SMYD3: variants seen among roughly 807,000 people sequenced by gnomAD.
SMYD3 encodes histone-lysine N-methyltransferase SMYD3.
SMYD3 carries 36 observed loss-of-function variants against 57.7 expected under a neutral mutation model. The ratio of observed to expected loss-of-function variants is 0.62; its 90% CI spans 0.48 to 0.82. SMYD3 has a LOEUF of 0.82. Among genes scored for constraint, SMYD3 ranks in the 40% least tolerant of loss-of-function variants. The pLI is 0.00. For missense variants in SMYD3, 515 were observed against 538.8 expected, an observed-to-expected ratio of 0.96 and a Z score of 0.44; for synonymous variants, 211 against 195.0, an observed-to-expected ratio of 1.08 and a Z score of -0.68.
intron 5 of SMYD3, among the ~76,000 whole-genome samples, chr1:246,292,593 C>T (rs928295478): frequency 3.3e-5 from 5 of 152,146 alleles, no homozygotes; most frequent in African/African-American, 1.2e-4. Context: ...TAATAAAAAT[C>T]CACTCCAACA....
chr1:246,401,989 TG>T (rs2066777499), intron 1 of SMYD3, among the ~76,000 whole-genome samples: 1 of 152,268 alleles, frequency 6.6e-6, no homozygotes, highest in African/African-American at 2.4e-5. Context: ...CCCAAAGTGC[TG>T]GGATTACAGG....
chr1:246,391,052 ATTCAC>A (rs2066554411), intron 1 of SMYD3, among the ~76,000 whole-genome samples: 1 of 152,130 alleles, frequency 6.6e-6, no homozygotes, highest in Non-Finnish European at 1.5e-5. Context: ...TGTACCAAAC[ATTCAC>A]ATCAAAAGGA....
chr1:245,940,408 GGAGGAAGCTCCCA>G (rs1303893500), intron 5 of SMYD3, among the ~76,000 whole-genome samples: 7 of 152,056 alleles, frequency 4.6e-5, no homozygotes, highest in Non-Finnish European at 8.8e-5. Flanking sequence ...TGCCTCTCTG[GGAGGAAGCTCCCA>G]GAGGAAGGGG....
chr1:245,911,836 T>C (rs2055014773), intron 8 of SMYD3, among the ~76,000 whole-genome samples: 1 of 152,046 alleles, frequency 6.6e-6, no homozygotes, highest in Non-Finnish European at 1.5e-5. Flanking sequence ...AGGGCAACTA[T>C]AGTTAATAGT....
chr1:246,397,174 C>T (rs1003380799), intron 1 of SMYD3, among the ~76,000 whole-genome samples: 3 of 152,178 alleles, frequency 2.0e-5, no homozygotes, highest in African/African-American at 4.8e-5. Context: ...CTGAGCTCCA[C>T]CTCCTGTCAG....
intron 1 of SMYD3, among the ~76,000 whole-genome samples, chr1:246,449,107 G>A (rs923509257): frequency 1.1e-4 from 16 of 152,130 alleles, no homozygotes; most frequent in Admixed American, 2.6e-4. Context: ...GCACATGCCT[G>A]TAGTTCCAGC....
intron 8 of SMYD3, among the ~76,000 whole-genome samples, chr1:245,895,993 T>A (rs1203092852): frequency 6.6e-6 from 1 of 152,244 alleles, no homozygotes; most frequent in Non-Finnish European, 1.5e-5. Flanking sequence ...AATTGTAGCA[T>A]CAGGGAATGA....
chr1:246,355,205 C>A lies in SMYD3; in HGVS notation c.165-111G>T. 9.9e-7 allele frequency: 1 copy of A among 1,013,388 alleles called. No homozygotes were observed. The highest frequency in any genetic ancestry group is 2.5e-5 in the East Asian group (1 of 39,332). 62.8% of individuals were successfully genotyped at this position (1,013,388 alleles called of 1,614,324 possible). A position where few individuals can be genotyped will look rare whatever the true frequency, so the allele number is the denominator to read the frequency against. On this transcript the variant is annotated intron_variant, in intron 1 of 11. Transcript: ENST00000490107. The surrounding 1 kb of genome is among the most constrained non-coding windows in gnomAD (Gnocchi z 5.0). ...CGGACACCCGTATGTTCTGTTTACT[C>A]CATTATGTACAGTCCCTTAAGATTT...
chr1:246,400,428 G>A (rs1026127717), intron 1 of SMYD3, among the ~76,000 whole-genome samples: 1 of 152,122 alleles, frequency 6.6e-6, no homozygotes, highest in Non-Finnish European at 1.5e-5. Flanking sequence ...TTGAAATGGT[G>A]TCTTGTTAGG....
chr1:245,959,943 T>C (rs1326634904), intron 5 of SMYD3, among the ~76,000 whole-genome samples: 1 of 152,104 alleles, frequency 6.6e-6, no homozygotes, highest in Non-Finnish European at 1.5e-5. Flanking sequence ...CATGCCCGGC[T>C]AACTTTTTCC....
intron 7 of SMYD3, 71 bp downstream of exon 7, chr1:245,927,860 T>C: frequency 3.2e-6 from 4 of 1,249,602 alleles, no homozygotes; most frequent in Non-Finnish European, 4.6e-6. Flanking sequence ...CAATCAGTTT[T>C]AGGGACGGGC....
chr1:246,184,296 C>T lies in SMYD3; in HGVS notation c.531+142905G>A, dbSNP rs139159398. On this transcript the variant is annotated intron_variant, in intron 5 of 11. Coordinates refer to ENST00000490107, the MANE Select transcript of SMYD3 (RefSeq NM_001167740.2). Reference sequence around the variant, plus strand: ...AAAGAAAGAAAAGCAAGTATATTGCCCTTTTTTCCTATTGGGAAAACCTTG... The same window carrying T: ...AAAGAAAGAAAAGCAAGTATATTGCTCTTTTTTCCTATTGGGAAAACCTTG... Among the ~76,000 whole-genome samples the T allele has an allele frequency of 3.0e-3, 459 of 152,248 alleles. 2 individuals carry two copies. The highest frequency in any genetic ancestry group is 0.011 in the African/African-American group (448 of 41,548).
At chr1:246,171,203 G>T (rs541404319) in intron 5 of SMYD3, among the ~76,000 whole-genome samples, 2 of 151,822 alleles carry the variant, frequency 1.3e-5, no homozygotes, top group Non-Finnish European at 2.9e-5. Flanking sequence ...TTTGGTAAAC[G>T]TTTCAAAGAT....
rs536572467 is a variant in SMYD3 at position 246,077,866 on chromosome 1, GA to G, written c.532-147930del. Among the ~76,000 whole-genome samples the G allele has an allele frequency of 2.6e-5, 4 of 152,108 alleles. No homozygotes were observed. The South Asian group carries it at 6.2e-4, about 24-fold the overall frequency. ...TTTAAGGGAAGGAATTGTGTTTTAT[GA>G]ATGACATTCTCATTTTTAAAAAGAA... On this transcript the variant is annotated intron_variant, in intron 5 of 11. Transcript: ENST00000490107.
chr1:246,335,956 A>G (rs138020419), intron 2 of SMYD3, among the ~76,000 whole-genome samples: 1 of 152,342 alleles, frequency 6.6e-6, no homozygotes, highest in African/African-American at 2.4e-5. Context: ...ACCCCCAAAT[A>G]TAAAATCTCT....
At chr1:245,874,339 G>A (rs543079817) in intron 8 of SMYD3, among the ~76,000 whole-genome samples, 25 of 152,284 alleles carry the variant, frequency 1.6e-4, no homozygotes, top group African/African-American at 5.8e-4. Flanking sequence ...CTGCTAAAGC[G>A]AGCACATCAG....
intron 5 of SMYD3, among the ~76,000 whole-genome samples, chr1:246,046,223 C>G (rs949149185): frequency 6.6e-6 from 1 of 152,058 alleles, no homozygotes; most frequent in East Asian, 1.9e-4. Context: ...TTGGAACCAA[C>G]CCAAATGTCC....
In SMYD3 at chr1:245,817,071, T is replaced by G. The variant is rs574956353; in HGVS notation, c.1076+41425A>C. On this transcript the variant is annotated intron_variant, in intron 10 of 11. Transcript: ENST00000490107. ...CAGCTCAAGGAGGCCTGCCTGCCTCTGTAGGCTCCACCTCTGGGGGCAGGG... is the reference window on the plus strand; with the variant it reads ...CAGCTCAAGGAGGCCTGCCTGCCTCGGTAGGCTCCACCTCTGGGGGCAGGG... Among the ~76,000 whole-genome samples, 51 of 150,432 alleles carry G rather than the reference T, an allele frequency of 3.4e-4. No individual in the cohort carries two copies. In the East Asian group the frequency reaches 9.2e-3, roughly 27 times the overall value.
chr1:246,421,501 G>T (rs2067142144), intron 1 of SMYD3, among the ~76,000 whole-genome samples: 1 of 151,996 alleles, frequency 6.6e-6, no homozygotes, highest in Non-Finnish European at 1.5e-5. Flanking sequence ...ACCTTAAAAT[G>T]AAAGTTCTAA....
Sources: allele counts gnomAD v4.1 joint callset (sites outside exome capture counted in the v4.1 genomes callset), GRCh38; gene constraint gnomAD v4.1.1; non-coding constraint Gnocchi (gnomAD v3.1); transcripts MANE v1.5; gene names NCBI Gene and HGNC (gene_info 2026-07-23, HGNC 2026-07-21).